The following FBXL17 variants were observed in gnomAD, a reference collection of about 807,000 sequenced individuals.
The protein encoded by FBXL17 is F-box/LRR-repeat protein 17.
Under a neutral mutation model 66.2 loss-of-function variants are expected in FBXL17, and 22 were observed. The ratio of observed to expected loss-of-function variants is 0.33; its 90% CI spans 0.24 to 0.47. The LOEUF (loss-of-function observed/expected upper bound fraction) is 0.47. FBXL17 is among the 20% of genes least tolerant of loss of function. The pLI is 1.00. For missense variants in FBXL17, 878 were observed against 948.2 expected (o/e 0.93, Z 0.97); for synonymous variants, 474 against 400.5 (o/e 1.18, Z -2.19).
intron 6 of FBXL17, among the ~76,000 whole-genome samples, chr5:108,178,818 T>C (rs1198871368): frequency 6.6e-6 from 1 of 152,188 alleles, no homozygotes; most frequent in Admixed American, 6.5e-5. Context: ...GCTTTTATGA[T>C]AGAAAATTGC....
chr5:108,081,133 T>C (rs1748746121), intron 6 of FBXL17, among the ~76,000 whole-genome samples: 2 of 152,108 alleles, frequency 1.3e-5, no homozygotes, highest in South Asian at 4.1e-4. Flanking sequence ...TGGTATCTTA[T>C]TGCAACAAAG....
chr5:108,222,713 G>C (rs575983674), intron 5 of FBXL17, among the ~76,000 whole-genome samples: 1 of 128,536 alleles, frequency 7.8e-6, no homozygotes, highest in African/African-American at 3.0e-5. Context: ...CTCATCTGTC[G>C]CCCGGGCTGG....
intron 3 of FBXL17, among the ~76,000 whole-genome samples, chr5:108,358,690 C>T (rs758323012): frequency 2.6e-5 from 4 of 151,994 alleles, no homozygotes; most frequent in Non-Finnish European, 5.9e-5. Flanking sequence ...CTAATGCTAG[C>T]CCCACAGAAT....
intron 5 of FBXL17, among the ~76,000 whole-genome samples, chr5:108,190,627 C>T (rs149909733): frequency 5.3e-5 from 8 of 152,206 alleles, no homozygotes; most frequent in Non-Finnish European, 1.2e-4. Context: ...CAAGATTTTG[C>T]ATTAGGGCTA....
At chr5:107,905,057 C>CTATA (rs141059143) in intron 7 of FBXL17, among the ~76,000 whole-genome samples, 2,131 of 146,008 alleles carry the variant, frequency 0.015, 41 homozygotes, top group African/African-American at 0.049. Flanking sequence ...AACTTTTTTG[C>CTATA]TATATATATA....
chr5:108,154,531 G>C (rs13153344), intron 6 of FBXL17, among the ~76,000 whole-genome samples: 6 of 143,778 alleles, frequency 4.2e-5, no homozygotes, highest in Non-Finnish European at 7.6e-5. Flanking sequence ...CGGAGGTTGC[G>C]GTGAGCCAAG....
At chr5:108,147,976 A>G (rs930286364) in intron 6 of FBXL17, among the ~76,000 whole-genome samples, 1 of 152,116 alleles carries the variant, frequency 6.6e-6, no homozygotes, top group Non-Finnish European at 1.5e-5. Flanking sequence ...ATAAAAAACA[A>G]TAATATAGGC....
At chr5:108,331,758 A>G (rs900070442) in intron 4 of FBXL17, among the ~76,000 whole-genome samples, 1 of 152,154 alleles carries the variant, frequency 6.6e-6, no homozygotes. Flanking sequence ...CCGTCACCTA[A>G]CAGAGTAACT....
chr5:108,135,254 A>C (rs1391526339), intron 6 of FBXL17, among the ~76,000 whole-genome samples: 1 of 152,170 alleles, frequency 6.6e-6, no homozygotes, highest in African/African-American at 2.4e-5. Flanking sequence ...AGAGGGGCTA[A>C]GACCCACAAA....
intron 7 of FBXL17, among the ~76,000 whole-genome samples, chr5:107,980,190 CTAAAG>C (rs779747807): frequency 2.0e-5 from 3 of 151,852 alleles, no homozygotes; most frequent in African/African-American, 4.8e-5. Flanking sequence ...AAAACTACAG[CTAAAG>C]TAAAGTGGCA....
intron 4 of FBXL17, among the ~76,000 whole-genome samples, chr5:108,342,485 C>A (rs970223557): frequency 1.3e-5 from 2 of 152,190 alleles, no homozygotes; most frequent in Non-Finnish European, 2.9e-5. Context: ...TAATTAACTT[C>A]TTCCTTTGAT....
chr5:107,997,630 TTTTC>T (rs771957329), intron 7 of FBXL17, among the ~76,000 whole-genome samples: 2 of 152,180 alleles, frequency 1.3e-5, no homozygotes, highest in Non-Finnish European at 2.9e-5. Flanking sequence ...ATGGTTTCCT[TTTTC>T]TTTCTCTGTC....
chr5:108,161,051 G>A (rs1473267586), intron 6 of FBXL17, among the ~76,000 whole-genome samples: 3 of 152,092 alleles, frequency 2.0e-5, no homozygotes, highest in Non-Finnish European at 4.4e-5. Context: ...GGAGAGGTAG[G>A]GGAAGAGAAT....
At chr5:107,879,798 C>G in intron 8 of FBXL17, 4 of 985,422 alleles carry the variant, frequency 4.1e-6, no homozygotes, top group Non-Finnish European at 4.8e-6. Context: ...GCGGCACTTT[C>G]TGAGCAAGTA....
intron 8 of FBXL17, chr5:107,879,617 A>T: frequency 1.0e-6 from 1 of 985,474 alleles, no homozygotes; most frequent in Non-Finnish European, 1.2e-6. Flanking sequence ...ACAAAAAATC[A>T]CAAAGGACAC....
At chr5:108,273,986 T>G (rs1417997896) in intron 4 of FBXL17, among the ~76,000 whole-genome samples, 1 of 152,186 alleles carries the variant, frequency 6.6e-6, no homozygotes, top group African/African-American at 2.4e-5. Flanking sequence ...TTTACAGGAA[T>G]TTCTTAAATG....
At chr5:107,914,799 A>T (rs1750073448) in intron 7 of FBXL17, among the ~76,000 whole-genome samples, 1 of 152,192 alleles carries the variant, frequency 6.6e-6, no homozygotes, top group African/African-American at 2.4e-5. Flanking sequence ...AGTAAGACAA[A>T]GTGGAAGGAA....
intron 6 of FBXL17, among the ~76,000 whole-genome samples, chr5:108,141,985 TA>T (rs1751368322): frequency 6.6e-6 from 1 of 152,254 alleles, no homozygotes; most frequent in Admixed American, 6.5e-5. Flanking sequence ...CTCTGTGTTT[TA>T]ATTATTGGTT....
chr5:108,382,055 AT>A lies in FBXL17; in HGVS notation c.-365del, dbSNP rs1304503560. 2.8e-5 allele frequency: 23 copies of A among 829,218 alleles called. No homozygotes were observed. Among genetic ancestry groups the A allele is most frequent in the Non-Finnish European group, 3.1e-5 (21 of 670,406 alleles). The allele number at this position is 829,218 out of a possible 1,614,324, so 51.4% of individuals were successfully genotyped here. ...GGAAAGGCCGGGTCCCGCTCGGACCATTTTAACTGCGGATCCGCCGCCGGCG... is the reference window on the plus strand; with the variant it reads ...GGAAAGGCCGGGTCCCGCTCGGACCATTTAACTGCGGATCCGCCGCCGGCG... On this transcript the variant is annotated 5_prime_UTR_variant, in exon 1 of 9. It adds an upstream start codon to the 5' untranslated region. Coordinates refer to ENST00000542267, the MANE Select transcript of FBXL17 (RefSeq NM_001163315.3).
Sources: allele counts gnomAD v4.1 joint callset (sites outside exome capture counted in the v4.1 genomes callset), GRCh38; gene constraint gnomAD v4.1.1; transcripts MANE v1.5; gene names NCBI Gene and HGNC (gene_info 2026-07-23, HGNC 2026-07-21).